The following TMPRSS15 variants were observed in gnomAD, a reference collection of about 807,000 sequenced individuals.
The protein encoded by TMPRSS15 is transmembrane serine protease 15.
TMPRSS15 carries 128 observed loss-of-function variants against 125.3 expected under a neutral mutation model. The observed-to-expected ratio is 1.02, with a 90% CI of 0.89 to 1.18. The LOEUF (loss-of-function observed/expected upper bound fraction) is 1.18, where lower values mean the gene tolerates loss of function less well. TMPRSS15 is among the 50% of genes most tolerant of loss of function. TMPRSS15 has a pLI of 0.00. For synonymous variants in TMPRSS15, 446 were observed against 423.2 expected (o/e 1.05, Z -0.66); for missense variants, 1,283 against 1,212.7 (o/e 1.06, Z -0.86).
intron 1 of TMPRSS15, among the ~76,000 whole-genome samples, chr21:18,451,713 C>G (rs74942067): frequency 0.046 from 7,026 of 152,188 alleles, 436 homozygotes; most frequent in African/African-American, 0.13. Context: ...ATTAAATTTA[C>G]TTTTTCTCTC....
intron 16 of TMPRSS15, among the ~76,000 whole-genome samples, chr21:18,317,745 G>T (rs976196440): frequency 6.6e-6 from 1 of 150,586 alleles, no homozygotes; most frequent in South Asian, 2.1e-4. Flanking sequence ...CTTTTACTCT[G>T]TTCTATTATT....
intron 4 of TMPRSS15, among the ~76,000 whole-genome samples, chr21:18,382,090 G>A (rs2075897894): frequency 6.6e-6 from 1 of 152,022 alleles, no homozygotes; most frequent in Non-Finnish European, 1.5e-5. Context: ...CTAGTATAAA[G>A]GTTAAGAGGG....
At chr21:18,300,750 T>A (rs1203575690) in intron 18 of TMPRSS15, among the ~76,000 whole-genome samples, 1 of 152,210 alleles carries the variant, frequency 6.6e-6, no homozygotes, top group Admixed American at 6.5e-5. Context: ...AGCCTATTTA[T>A]GACACATCTA....
rs1045117390 is a variant in TMPRSS15, at chr21:18,269,353, T to C, written c.*616A>G. 1 of 152,166 alleles carries C rather than the reference T, an allele frequency of 6.6e-6. No individual in the cohort carries two copies. The highest frequency in any genetic ancestry group is 1.5e-5 in the Non-Finnish European group (1 of 68,004). The allele number at this position is 152,166 out of a possible 1,614,324, so 9.4% of individuals were successfully genotyped here. On this transcript the variant is annotated 3_prime_UTR_variant, in exon 25 of 25. Coordinates refer to ENST00000284885, the MANE Select transcript of TMPRSS15 (RefSeq NM_002772.3). ...AATGACTATATCAGTTAATTTATCT[T>C]TTATTTAATTAACTTATTTAAGAGG... is the stretch of plus-strand genomic sequence containing the variant.
chr21:18,347,310 A>C (rs1192679769), intron 10 of TMPRSS15, among the ~76,000 whole-genome samples: 1 of 151,990 alleles, frequency 6.6e-6, no homozygotes, highest in African/African-American at 2.4e-5. Context: ...ATCTTGGTTC[A>C]TTGCAACCTC....
chr21:18,338,293 T>C (rs9982848), intron 13 of TMPRSS15, among the ~76,000 whole-genome samples: 26,703 of 152,038 alleles, frequency 0.18, 2,449 homozygotes, highest in African/African-American at 0.25. Context: ...AAAATTTTTC[T>C]TCTTTATTAT....
chr21:18,347,919 TA>T (rs1251391630), intron 10 of TMPRSS15, among the ~76,000 whole-genome samples: 2 of 152,054 alleles, frequency 1.3e-5, no homozygotes, highest in African/African-American at 4.8e-5. Context: ...TCTCTTAATT[TA>T]AAAAAAGAGG....
chr21:18,340,718 TAAAATTACTCCTTAAGAAGCCCACA>T (rs978728013), intron 13 of TMPRSS15, among the ~76,000 whole-genome samples: 3 of 147,686 alleles, frequency 2.0e-5, no homozygotes, highest in African/African-American at 7.6e-5. Context: ...ACTAAACTCT[TAAAATTACTCCTTAAGAAGCCCACA>T]AAAACCTCAA....
At chr21:18,397,628 C>A (rs1433083037) in intron 3 of TMPRSS15, among the ~76,000 whole-genome samples, 1 of 152,112 alleles carries the variant, frequency 6.6e-6, no homozygotes, top group Non-Finnish European at 1.5e-5. Flanking sequence ...TGCATCTGTA[C>A]CCTCTCCATG....
chr21:18,358,528 T>G (rs1218389380), intron 8 of TMPRSS15, among the ~76,000 whole-genome samples: 1 of 151,378 alleles, frequency 6.6e-6, no homozygotes, highest in Non-Finnish European at 1.5e-5. Context: ...GTTGGCCCAT[T>G]TTTTTTTAAG....
intron 22 of TMPRSS15, among the ~76,000 whole-genome samples, chr21:18,279,502 A>ATT (rs568503406): frequency 1.5e-5 from 2 of 131,540 alleles, no homozygotes; most frequent in African/African-American, 5.5e-5. Context: ...ATTTTTTTGT[A>ATT]TTTTTTTTTT....
intron 7 of TMPRSS15, among the ~76,000 whole-genome samples, chr21:18,361,502 A>G (rs1387600444): frequency 1.3e-5 from 2 of 152,152 alleles, no homozygotes; most frequent in African/African-American, 4.8e-5. Flanking sequence ...GACTCTGGCC[A>G]TGGAGGATAC....
chr21:18,270,212 A>C (rs540085450), intron 24 of TMPRSS15, 88 bp from the exon 25 acceptor site: 13 of 1,134,990 alleles, frequency 1.1e-5, no homozygotes, highest in Non-Finnish European at 1.6e-5. Flanking sequence ...AAATTAAAAA[A>C]TAAAAATTAA....
chr21:18,330,953 G>A (rs2075338687), intron 14 of TMPRSS15, among the ~76,000 whole-genome samples: 1 of 151,290 alleles, frequency 6.6e-6, no homozygotes, highest in East Asian at 2.0e-4. Flanking sequence ...GGCGCCTGTA[G>A]TCCCAGCTAC....
At chr21:18,462,221 A>G (rs1978563716) in intron 1 of TMPRSS15, among the ~76,000 whole-genome samples, 1 of 152,208 alleles carries the variant, frequency 6.6e-6, no homozygotes, top group Non-Finnish European at 1.5e-5. Context: ...ATCTTGAAAG[A>G]AGACTAAAAA....
chr21:18,462,505 T>C (rs1569073767), intron 1 of TMPRSS15, among the ~76,000 whole-genome samples: 1 of 152,072 alleles, frequency 6.6e-6, no homozygotes, highest in African/African-American at 2.4e-5. Flanking sequence ...AGTTTGTAAA[T>C]GGCCATATAT....
intron 1 of TMPRSS15, among the ~76,000 whole-genome samples, chr21:18,453,865 G>T (rs894661764): frequency 5.3e-5 from 8 of 152,126 alleles, no homozygotes; most frequent in African/African-American, 1.9e-4. Context: ...TTAACTTGAA[G>T]GACATAATGC....
chr21:18,416,389 A>G (rs1003501723), intron 1 of TMPRSS15, among the ~76,000 whole-genome samples: 1 of 152,052 alleles, frequency 6.6e-6, no homozygotes, highest in African/African-American at 2.4e-5. Context: ...TCTTGACTTT[A>G]TACTCCATTT....
chr21:18,416,170 G>A (rs926886066), intron 1 of TMPRSS15, among the ~76,000 whole-genome samples: 7 of 151,868 alleles, frequency 4.6e-5, no homozygotes, highest in Admixed American at 2.0e-4. Context: ...AAAAAAACAT[G>A]GCTTTCTATG....
Sources: allele counts gnomAD v4.1 joint callset (sites outside exome capture counted in the v4.1 genomes callset), GRCh38; gene constraint gnomAD v4.1.1; transcripts MANE v1.5; gene names NCBI Gene and HGNC (gene_info 2026-07-23, HGNC 2026-07-21).